ZNF680: variants seen among roughly 807,000 people sequenced by gnomAD.
The protein encoded by ZNF680 is hypothetical protein FLJ90430.
In ZNF680, 6 loss-of-function variants were observed where a neutral mutation model predicts 12.1. The observed-to-expected ratio is 0.49, with a 90% CI of 0.27 to 0.98. The LOEUF (loss-of-function observed/expected upper bound fraction) is 0.98. ZNF680 is among the 50% of genes least tolerant of loss of function. ZNF680 has a pLI of 0.12. For missense variants in ZNF680, 561 were observed against 616.3 expected, an observed-to-expected ratio of 0.91 and a Z score of 0.95; for synonymous variants, 170 against 199.3, an observed-to-expected ratio of 0.85 and a Z score of 1.24.
chr7:64,526,529 C>G (rs1791854875), intron 3 of ZNF680: 1 of 554,856 alleles, frequency 1.8e-6, no homozygotes, highest in African/African-American at 2.0e-5. Flanking sequence ...TGCATATAAA[C>G]AAACAGAAAT....
Position 64,522,155 on chromosome 7 carries a change from T to C in ZNF680, c.599A>G (p.His200Arg), listed in dbSNP as rs202209040. ...ATTCTCTCTAGTGTGAATTCTTATA[T>C]GTTGTGTTAGATGTGAAAGCATGCA... ...SFCMLSHLTQ[H>R]IRIHTRENSY... Residue 200 changes from histidine (H) to arginine (R), a missense_variant, in exon 4 of 4, where the codon CAT becomes CGT. By Grantham distance (29) the His-to-Arg change is conservative. Coordinates refer to ENST00000309683, the MANE Select transcript of ZNF680 (RefSeq NM_178558.5). The C allele has an allele frequency of 1.7e-5, 28 of 1,613,012 alleles. No homozygotes were observed. Among genetic ancestry groups the C allele is most frequent in the African/African-American group, 2.7e-5 (2 of 75,030 alleles).
Position 64,520,980 on chromosome 7 carries a change from C to T in ZNF680, c.*181G>A. The T allele has an allele frequency of 4.9e-6, 3 of 614,996 alleles. No individual in the cohort carries two copies. Among genetic ancestry groups the T allele is most frequent in the Non-Finnish European group, 5.3e-6 (2 of 375,256 alleles). The allele number at this position is 614,996 out of a possible 1,614,324, so 38.1% of individuals were successfully genotyped here. ...AATCTTTCTCAAGTAAAAATGCTTT[C>T]CTGTGCAATAAGATGTGAGTATTGG... On this transcript the variant is annotated 3_prime_UTR_variant, in exon 4 of 4. Coordinates refer to ENST00000309683, the MANE Select transcript of ZNF680 (RefSeq NM_178558.5).
rs560131272 is a variant in ZNF680, at chr7:64,521,604, C to T, written c.1150G>A (p.Gly384Ser). The T allele has an allele frequency of 3.8e-5, 62 of 1,612,146 alleles. 1 individual carries two copies. In the South Asian group the frequency reaches 4.6e-4, roughly 12 times the overall value. ...TTTGAGGACTGTATAAAAGCTTTGC[C>T]GCATTCTTCACATTTGTAGGATTTC... is the stretch of plus-strand genomic sequence containing the variant. ...GEKSYKCEECGKAFIQSSNLT... is the reference protein window; with the variant it reads ...GEKSYKCEECSKAFIQSSNLT... Residue 384 changes from glycine to serine, a missense_variant, in exon 4 of 4, where the codon GGC becomes AGC. By Grantham distance (56) the Gly-to-Ser change is moderately conservative (BLOSUM62 0). Transcript: ENST00000309683.
chr7:64,507,517 T>A, the ZNF680 span, among the ~76,000 whole-genome samples: 1 of 101,776 alleles, frequency 9.8e-6, no homozygotes, highest in African/African-American at 4.7e-5. Flanking sequence ...TCAATTATTC[T>A]ATTTTTTTTT....
the ZNF680 span, among the ~76,000 whole-genome samples, chr7:64,507,860 CACACACACACACACACACAT>C: frequency 9.7e-5 from 11 of 113,384 alleles, no homozygotes; most frequent in South Asian, 3.0e-4. Flanking sequence ...CACACACACA[CACACACACACACACACACAT>C]TTTTTTATTT....
At chr7:64,501,489 C>CA in the ZNF680 span, 2 of 835,958 alleles carry the variant, frequency 2.4e-6, no homozygotes, top group Non-Finnish European at 4.1e-6. Flanking sequence ...ACAGAGCAAA[C>CA]AAGCAGTAGA....
intron 3 of ZNF680, among the ~76,000 whole-genome samples, chr7:64,533,482 G>A (rs1785993901): frequency 1.3e-5 from 2 of 151,746 alleles, no homozygotes. Context: ...CCTCTACAAG[G>A]AAAACTACAA....
the ZNF680 span, among the ~76,000 whole-genome samples, chr7:64,509,122 A>G: frequency 6.6e-6 from 1 of 152,186 alleles, no homozygotes; most frequent in Non-Finnish European, 1.5e-5. Context: ...GCTGGGGGGC[A>G]TACTATAATA....
At chr7:64,552,502 C>G (rs1416071033) in intron 1 of ZNF680, among the ~76,000 whole-genome samples, 1 of 151,596 alleles carries the variant, frequency 6.6e-6, no homozygotes, top group African/African-American at 2.4e-5. Flanking sequence ...TAGCAGCATT[C>G]TAACTTACTG....
At chr7:64,550,358 C>T (rs13221648) in intron 1 of ZNF680, among the ~76,000 whole-genome samples, 103,019 of 152,080 alleles carry the variant, frequency 0.68, 35,881 homozygotes, top group African/African-American at 0.85. Flanking sequence ...AAAGACATAA[C>T]TGTGGTCTCA....
At chr7:64,513,780 G>A in the ZNF680 span, among the ~76,000 whole-genome samples, 1 of 151,924 alleles carries the variant, frequency 6.6e-6, no homozygotes, top group Non-Finnish European at 1.5e-5. Context: ...TGGGTAGCTG[G>A]GACTACAGGT....
downstream of ZNF680, among the ~76,000 whole-genome samples, chr7:64,518,766 A>G (rs2116342189): frequency 6.6e-6 from 1 of 151,952 alleles, no homozygotes; most frequent in South Asian, 2.1e-4. Flanking sequence ...TGAACAAATA[A>G]TGGAGGGATG....
chr7:64,562,883 C>T, intron 1 of ZNF680, 42 bp downstream of exon 1: 1 of 1,612,530 alleles, frequency 6.2e-7, no homozygotes, highest in South Asian at 1.1e-5. Flanking sequence ...CGGTTCCAAC[C>T]AGCCCCTCCC....
chr7:64,501,808 T>G, the ZNF680 span: 2 of 645,126 alleles, frequency 3.1e-6, no homozygotes, highest in Non-Finnish European at 5.8e-6. Context: ...TTTTACCAGA[T>G]CTTCTTCTCT....
At chr7:64,525,810 G>C in intron 3 of ZNF680, 1 of 982,976 alleles carries the variant, frequency 1.0e-6, no homozygotes, top group Non-Finnish European at 1.2e-6. Context: ...TTGAAATTAG[G>C]AGAATTTCTA....
chr7:64,512,370 T>C, the ZNF680 span, among the ~76,000 whole-genome samples: 2 of 151,254 alleles, frequency 1.3e-5, no homozygotes, highest in African/African-American at 2.4e-5. Flanking sequence ...GGAAAATCGT[T>C]TGAACCCGGG....
the ZNF680 span, among the ~76,000 whole-genome samples, chr7:64,514,705 AACT>A: frequency 3.4e-4 from 52 of 152,202 alleles, no homozygotes; most frequent in African/African-American, 1.2e-3. Context: ...AAATAAACTA[AACT>A]AATAAAAAAC....
At chr7:64,549,591 C>A (rs148200049) in intron 1 of ZNF680, among the ~76,000 whole-genome samples, 2 of 151,986 alleles carry the variant, frequency 1.3e-5, no homozygotes, top group South Asian at 4.2e-4. Context: ...GCTCTGCATT[C>A]TTGGGTGTTA....
chr7:64,510,724 A>C, the ZNF680 span, among the ~76,000 whole-genome samples: 2 of 119,986 alleles, frequency 1.7e-5, no homozygotes, highest in African/African-American at 3.2e-5. Flanking sequence ...TCCCGGCTAA[A>C]ATGGTGAAAC....
Sources: gnomAD v4.1 joint callset for allele counts (sites outside exome capture counted in the v4.1 genomes callset) on GRCh38, gnomAD v4.1.1 for gene constraint, MANE v1.5 for transcripts, NCBI Gene and HGNC (gene_info 2026-07-23, HGNC 2026-07-21) for gene names.